The following AHI1 variants were observed in gnomAD, a reference collection of about 807,000 sequenced individuals.
The protein encoded by AHI1 is Abelson helper integration site 1.
Under a neutral mutation model 149.3 loss-of-function variants are expected in AHI1, and 123 were observed. The ratio of observed to expected loss-of-function variants is 0.82; its 90% confidence interval spans 0.71 to 0.96. The LOEUF (loss-of-function observed/expected upper bound fraction) is 0.96. Ranked by LOEUF, AHI1 falls within the 40% of genes least tolerant of loss-of-function variation. AHI1 has a pLI of 0.00. For synonymous variants in AHI1, 475 were observed against 459.8 expected, an observed-to-expected ratio of 1.03 and a Z score of -0.42; for missense variants, 1,439 against 1,422.7, an observed-to-expected ratio of 1.01 and a Z score of -0.18.
At chr6:135,476,270 T>C (rs1248094220) in intron 5 of AHI1, among the ~76,000 whole-genome samples, 1 of 152,176 alleles carries the variant, frequency 6.6e-6, no homozygotes, top group African/African-American at 2.4e-5. Context: ...AACTTTTGGT[T>C]AACTATTTCT....
intron 24 of AHI1, among the ~76,000 whole-genome samples, chr6:135,347,775 G>C (rs542180099): frequency 6.6e-6 from 1 of 152,300 alleles, no homozygotes; most frequent in South Asian, 2.1e-4. Flanking sequence ...ATCAAATGCA[G>C]ATCGACTAAC....
At chr6:135,309,771 C>T (rs530378778) in intron 26 of AHI1, among the ~76,000 whole-genome samples, 1 of 152,062 alleles carries the variant, frequency 6.6e-6, no homozygotes, top group Non-Finnish European at 1.5e-5. Flanking sequence ...CGTGAGCCAC[C>T]GCGCCCGCCC....
At chr6:135,459,373 T>C (rs1459433447) in intron 8 of AHI1, among the ~76,000 whole-genome samples, 1 of 152,148 alleles carries the variant, frequency 6.6e-6, no homozygotes, top group Non-Finnish European at 1.5e-5. Flanking sequence ...AGTACTTAAA[T>C]GGGAATTTAG....
intron 12 of AHI1, 80 bp from the exon 13 acceptor site, chr6:135,447,240 G>T: frequency 1.1e-6 from 1 of 919,888 alleles, no homozygotes; most frequent in Non-Finnish European, 1.5e-6. Flanking sequence ...TTAAAATACT[G>T]AAACAAATAA....
chr6:135,407,699 C>T (rs6921515), intron 21 of AHI1, among the ~76,000 whole-genome samples: 3,644 of 152,074 alleles, frequency 0.024, 161 homozygotes, highest in African/African-American at 0.083. Flanking sequence ...TTCTCTCTTG[C>T]GTTTGATTTC....
chr6:135,291,390 G>C (rs1474698873), intron 27 of AHI1, among the ~76,000 whole-genome samples: 1 of 152,176 alleles, frequency 6.6e-6, no homozygotes, highest in African/African-American at 2.4e-5. Flanking sequence ...GTTAAATGGG[G>C]TCAGAAGAGT....
chr6:135,448,723 A>G (rs1047716342), intron 11 of AHI1, among the ~76,000 whole-genome samples: 3 of 152,218 alleles, frequency 2.0e-5, no homozygotes, highest in African/African-American at 7.2e-5. Context: ...CAACAATTTC[A>G]GACTGTCGGT....
At chr6:135,446,943 G>A (rs1787329817) in intron 13 of AHI1, 65 bp downstream of exon 13, 1 of 1,475,074 alleles carries the variant, frequency 6.8e-7, no homozygotes. Context: ...TATCCTAGGA[G>A]TTATTGGAGT....
At chr6:135,330,389 C>G (rs1290306690) in intron 24 of AHI1, among the ~76,000 whole-genome samples, 1 of 152,236 alleles carries the variant, frequency 6.6e-6, no homozygotes, top group Non-Finnish European at 1.5e-5. Context: ...AAAAAGATGA[C>G]TTGCTGAAGG....
intron 5 of AHI1, among the ~76,000 whole-genome samples, chr6:135,478,314 AC>A (rs1793048469): frequency 6.6e-6 from 1 of 152,200 alleles, no homozygotes; most frequent in Non-Finnish European, 1.5e-5. Flanking sequence ...AAATGCAGAT[AC>A]TGATATGAAC....
chr6:135,427,578 TAG>T (rs760020294), intron 19 of AHI1, among the ~76,000 whole-genome samples: 14 of 151,624 alleles, frequency 9.2e-5, no homozygotes, highest in Non-Finnish European at 1.5e-4. Flanking sequence ...CAGACGGAAG[TAG>T]AGAGGTATAT....
In AHI1 at chr6:135,405,910, A is replaced by G. The variant is rs547345377; in HGVS notation, c.2962-933T>C. On this transcript the variant is annotated intron_variant, in intron 21 of 28. Coordinates refer to ENST00000265602, the MANE Select transcript of AHI1 (RefSeq NM_001134831.2). ...AGAAAAAGAAAAAGAAAAAGAAAAA[A>G]AAATACTCAAGTCCAGTCCAATTAG... Among the ~76,000 whole-genome samples the G allele has an allele frequency of 5.9e-5, 9 of 151,998 alleles. No homozygotes were observed. In the South Asian group the frequency reaches 1.0e-3, roughly 18 times the overall value.
At chr6:135,399,606 C>T (rs541126267) in intron 22 of AHI1, among the ~76,000 whole-genome samples, 10 of 152,204 alleles carry the variant, frequency 6.6e-5, no homozygotes, top group African/African-American at 2.4e-4. Flanking sequence ...TCTTCCTTCA[C>T]GTCACATAAT....
At chr6:135,367,238 C>G (rs1774319490) in intron 23 of AHI1, among the ~76,000 whole-genome samples, 1 of 152,168 alleles carries the variant, frequency 6.6e-6, no homozygotes, top group Admixed American at 6.5e-5. Flanking sequence ...TGCTGTTAAT[C>G]TGACAGATTT....
In AHI1 at chr6:135,301,465, T is replaced by A. The variant is rs1562460554; in HGVS notation, c.3427-907A>T. The A allele has an allele frequency of 3.0e-6, 3 of 985,304 alleles. No homozygotes were observed. In the African/African-American group the frequency reaches 5.2e-5, roughly 17 times the overall value. The allele number at this position is 985,304 out of a possible 1,614,324, so 61.0% of individuals were successfully genotyped here. A position where few individuals can be genotyped will look rare whatever the true frequency, so the allele number is the denominator to read the frequency against. ...TCCTGGTGTTATCTCTACTGAAGCT[T>A]GTTTGGCCTTTTTAGATTTCCTTCT... is the stretch of plus-strand genomic sequence containing the variant. On this transcript the variant is annotated intron_variant, in intron 26 of 28. Coordinates refer to ENST00000265602, the MANE Select transcript of AHI1 (RefSeq NM_001134831.2).
intron 3 of AHI1, among the ~76,000 whole-genome samples, chr6:135,493,963 A>G (rs1795616002): frequency 6.6e-6 from 1 of 152,192 alleles, no homozygotes; most frequent in Non-Finnish European, 1.5e-5. Flanking sequence ...AAATCGCTTG[A>G]ACCTGAAATG....
At chr6:135,354,360 T>G (rs755793540) in intron 24 of AHI1, among the ~76,000 whole-genome samples, 9 of 152,138 alleles carry the variant, frequency 5.9e-5, no homozygotes, top group Non-Finnish European at 1.2e-4. Flanking sequence ...ACACTAGAAA[T>G]TATATATTCA....
chr6:135,374,081 C>CATATATATATATATATATATATAT (rs1180224509), intron 23 of AHI1, among the ~76,000 whole-genome samples: 1 of 50,306 alleles, frequency 2.0e-5, no homozygotes, highest in Non-Finnish European at 3.9e-5. Context: ...TTTATATATA[C>CATATATATATATATATATATATAT]ATATATATAT....
chr6:135,328,093 G>C (rs1017311088), intron 24 of AHI1, among the ~76,000 whole-genome samples: 2 of 152,154 alleles, frequency 1.3e-5, no homozygotes, highest in African/African-American at 4.8e-5. Context: ...TGGTGCCTGG[G>C]GTGGGGGGCA....
Sources: gnomAD v4.1 joint callset for allele counts (sites outside exome capture counted in the v4.1 genomes callset) on GRCh38, gnomAD v4.1.1 for gene constraint, MANE v1.5 for transcripts, NCBI Gene and HGNC (gene_info 2026-07-23, HGNC 2026-07-21) for gene names.